The following CCDC171 variants were observed in gnomAD, a reference collection of about 807,000 sequenced individuals.
CCDC171 encodes coiled-coil domain containing 171.
In CCDC171, 177 loss-of-function variants were observed where a neutral mutation model predicts 168.2. That is an observed-to-expected ratio of 1.05 (90% confidence interval 0.93 to 1.19). The LOEUF is 1.19. Among genes scored for constraint, CCDC171 ranks in the 50% most tolerant of loss-of-function variants. The pLI, the probability that CCDC171 is intolerant of heterozygous loss-of-function variation, is 0.00. For synonymous variants in CCDC171, 687 were observed against 540.8 expected (o/e 1.27, Z -3.75); for missense variants, 1,991 against 1,539.0 (o/e 1.29, Z -4.91).
chr9:15,902,279 T>C (rs12683907), intron 24 of CCDC171, among the ~76,000 whole-genome samples: 117,569 of 144,744 alleles, frequency 0.81, 48,159 homozygotes, highest in East Asian at 0.96. Flanking sequence ...TATATATATA[T>C]ATACACACAC....
chr9:15,726,058 A>G lies in CCDC171; in HGVS notation c.1692+1082A>G, dbSNP rs147255737. 3.3e-5 allele frequency among the ~76,000 whole-genome samples: 5 copies of G among 152,304 alleles called. No individual in the cohort carries two copies. In the East Asian group the frequency reaches 9.6e-4, roughly 29 times the overall value. On this transcript the variant is annotated intron_variant, in intron 14 of 25. Transcript: ENST00000380701. ...CTGGTTTATCTAAGTCATCCTGCAT[A>G]TTGAGTTCATTACTCCAACAAATAT...
chr9:15,689,316 A>T (rs1317019619), intron 10 of CCDC171, among the ~76,000 whole-genome samples: 1 of 152,206 alleles, frequency 6.6e-6, no homozygotes, highest in African/African-American at 2.4e-5. Context: ...TCAAAATCTC[A>T]GTTGACTTTT....
intron 1 of CCDC171, among the ~76,000 whole-genome samples, chr9:15,560,277 C>T (rs2039178425): frequency 6.6e-6 from 1 of 152,062 alleles, no homozygotes; most frequent in Non-Finnish European, 1.5e-5. Flanking sequence ...GTTGGCCTGC[C>T]TCACTAGGTT....
chr9:16,038,222 T>C (rs187348213), upstream of CCDC171, among the ~76,000 whole-genome samples: 25 of 152,298 alleles, frequency 1.6e-4, no homozygotes, highest in African/African-American at 6.0e-4. Flanking sequence ...ATTAAAGTTT[T>C]GTTTGGTTTT....
At chr9:16,083,977 A>T in the CCDC171 span, among the ~76,000 whole-genome samples, 1 of 152,182 alleles carries the variant, frequency 6.6e-6, no homozygotes, top group African/African-American at 2.4e-5. Flanking sequence ...CGATTTTGCT[A>T]AGATAAGTGG....
chr9:15,736,522 G>GT, intron 16 of CCDC171, among the ~76,000 whole-genome samples: 1 of 151,900 alleles, frequency 6.6e-6, no homozygotes, highest in Non-Finnish European at 1.5e-5. Flanking sequence ...GCTGATTTTT[G>GT]TATTTTTTAA....
chr9:16,095,533 GCTCT>G, the CCDC171 span, among the ~76,000 whole-genome samples: 35 of 151,078 alleles, frequency 2.3e-4, no homozygotes, highest in African/African-American at 7.8e-4. Flanking sequence ...TCACACACAC[GCTCT>G]CTCTTTCTCT....
At chr9:15,628,899 C>G (rs1373555433) in intron 7 of CCDC171, among the ~76,000 whole-genome samples, 1 of 152,226 alleles carries the variant, frequency 6.6e-6, no homozygotes, top group African/African-American at 2.4e-5. Context: ...GCAGCCACCG[C>G]TGCTGGTACC....
intron 24 of CCDC171, chr9:15,888,944 CTTTTCTT>C (rs1234117490): frequency 2.5e-4 from 15 of 59,326 alleles, no homozygotes; most frequent in African/African-American, 7.0e-4. Context: ...CCTCATTTTT[CTTTTCTT>C]TTTTTTTTTT....
chr9:16,058,663 C>T (rs1833881972), intron 1 of CCDC171, among the ~76,000 whole-genome samples: 1 of 152,174 alleles, frequency 6.6e-6, no homozygotes, highest in Non-Finnish European at 1.5e-5. Flanking sequence ...TACCAATTCC[C>T]CGCTGTGTTT....
At chr9:16,022,759 G>C (rs1586838920) in exon 6 of CCDC171, 1 of 152,216 alleles carries the variant, frequency 6.6e-6, no homozygotes, top group South Asian at 2.1e-4. Context: ...TCTCCAAAAA[G>C]AGGAAAATGA....
intron 16 of CCDC171, among the ~76,000 whole-genome samples, chr9:15,734,432 GGAGGCT>G (rs1286767601): frequency 9.9e-5 from 15 of 152,260 alleles, no homozygotes; most frequent in African/African-American, 2.6e-4. Context: ...CAGCTACTTG[GGAGGCT>G]GAGGCAGGAG....
intron 23 of CCDC171, among the ~76,000 whole-genome samples, chr9:15,863,937 G>A (rs2061664831): frequency 6.6e-6 from 1 of 152,080 alleles, no homozygotes; most frequent in South Asian, 2.1e-4. Flanking sequence ...AGTCTGAACT[G>A]ATTTTGTAAA....
At chr9:16,088,976 G>A in the CCDC171 span, among the ~76,000 whole-genome samples, 26 of 152,294 alleles carry the variant, frequency 1.7e-4, no homozygotes, top group Admixed American at 1.2e-3. Context: ...CAAGGCTACA[G>A]TAACCAAAAC....
At chr9:15,597,378 G>T (rs2042453248) in intron 6 of CCDC171, among the ~76,000 whole-genome samples, 1 of 152,070 alleles carries the variant, frequency 6.6e-6, no homozygotes, top group Admixed American at 6.6e-5. Flanking sequence ...TTTGTCAAAG[G>T]CCTTTTCTGC....
At chr9:15,859,371 G>A (rs531985506) in intron 23 of CCDC171, among the ~76,000 whole-genome samples, 37 of 151,740 alleles carry the variant, frequency 2.4e-4, no homozygotes, top group African/African-American at 8.0e-4. Flanking sequence ...GTCCTTGTCT[G>A]GCTTTGGTAT....
chr9:15,847,455 C>G (rs2060946830), intron 22 of CCDC171, among the ~76,000 whole-genome samples: 1 of 151,744 alleles, frequency 6.6e-6, no homozygotes, highest in African/African-American at 2.4e-5. Flanking sequence ...TATTTTAAAC[C>G]AGGTAATCAA....
chr9:15,843,545 G>C (rs1471757133), intron 21 of CCDC171, among the ~76,000 whole-genome samples: 1 of 152,000 alleles, frequency 6.6e-6, no homozygotes, highest in East Asian at 1.9e-4. Context: ...GTGCTGTTCT[G>C]ATAACTGAAC....
chr9:15,750,959 C>T (rs1233600430), intron 18 of CCDC171, among the ~76,000 whole-genome samples: 2 of 152,042 alleles, frequency 1.3e-5, no homozygotes, highest in African/African-American at 4.8e-5. Context: ...AAAGGGTATT[C>T]AGTTAGGAAA....
Sources: gnomAD v4.1 joint callset for allele counts (sites outside exome capture counted in the v4.1 genomes callset) on GRCh38, gnomAD v4.1.1 for gene constraint, MANE v1.5 for transcripts, NCBI Gene and HGNC (gene_info 2026-07-23, HGNC 2026-07-21) for gene names.